The following ADCYAP1R1 variants were observed in gnomAD, a reference collection of about 807,000 sequenced individuals.
The protein encoded by ADCYAP1R1 is ADCYAP receptor type I, also known as pituitary adenylate cyclase-activating polypeptide type I receptor.
ADCYAP1R1 carries 44 observed loss-of-function variants against 67.6 expected under a neutral mutation model. That is an observed-to-expected ratio of 0.65 (90% CI 0.51 to 0.84). The LOEUF is 0.84. Among genes scored for constraint, ADCYAP1R1 ranks in the 40% least tolerant of loss-of-function variants. ADCYAP1R1 has a pLI of 0.00. For missense variants in ADCYAP1R1, 477 were observed against 587.9 expected (o/e 0.81, Z 1.95); for synonymous variants, 222 against 219.6 (o/e 1.01, Z -0.10).
chr7:31,080,750 C>A, intron 5 of ADCYAP1R1, 117 bp downstream of exon 5: 2 of 1,055,016 alleles, frequency 1.9e-6, no homozygotes, highest in Non-Finnish European at 1.4e-6. Flanking sequence ...GAGTAAGAGG[C>A]TCACTGGGTA....
Position 31,091,728 on chromosome 7 carries a change from A to G in ADCYAP1R1, c.955-916A>G, listed in dbSNP as rs1584527320. ...AGACACTGATCAAACTGGGCATTGT[A>G]GCAGAGAACACGATTGACAGAATCC... On this transcript the variant is annotated intron_variant, in intron 12 of 15. Coordinates refer to ENST00000304166, the MANE Select transcript of ADCYAP1R1 (RefSeq NM_001118.5). Among the ~76,000 whole-genome samples, 3 of 152,286 alleles carry G rather than the reference A, an allele frequency of 2.0e-5. No homozygotes were observed. In the East Asian group the frequency reaches 5.8e-4, roughly 29 times the overall value.
At chr7:31,081,656 A>G in intron 5 of ADCYAP1R1, 57 bp from the exon 6 acceptor site, 2 of 1,437,170 alleles carry the variant, frequency 1.4e-6, no homozygotes, top group Non-Finnish European at 1.9e-6. Context: ...TGGAGAGTAA[A>G]CAGTAGCTAA....
rs1331557068 is a variant in ADCYAP1R1 at position 31,109,254 on chromosome 7, C to G, written c.*2570C>G. 2 of 152,198 alleles carry G rather than the reference C, an allele frequency of 1.3e-5. No individual in the cohort carries two copies. The highest frequency in any genetic ancestry group is 2.9e-5 in the Non-Finnish European group (2 of 68,062). 9.4% of individuals were successfully genotyped at this position (152,198 alleles called of 1,614,324 possible). A position where few individuals can be genotyped will look rare whatever the true frequency, so the allele number is the denominator to read the frequency against. On this transcript the variant is annotated 3_prime_UTR_variant, in exon 16 of 16. Transcript: ENST00000304166. ...TGTGAGCAGATGTACCTGATGTATT[C>G]TCAATGTTCCAAGAGGTTCTGGCCT...
intron 13 of ADCYAP1R1, among the ~76,000 whole-genome samples, chr7:31,098,849 G>T (rs997258672): frequency 1.5e-4 from 23 of 152,094 alleles, no homozygotes; most frequent in African/African-American, 5.6e-4. Flanking sequence ...GATCCTGAAT[G>T]CCAAGGGTGT....
intron 13 of ADCYAP1R1, chr7:31,095,817 C>T: frequency 1.4e-6 from 1 of 701,808 alleles, no homozygotes. Context: ...GTATTCCTGG[C>T]CCAGCCTCAG....
intron 4 of ADCYAP1R1, 91 bp downstream of exon 4, chr7:31,078,189 C>G (rs1389556286): frequency 2.9e-5 from 29 of 986,434 alleles, no homozygotes; most frequent in Non-Finnish European, 4.1e-5. Flanking sequence ...GGAGGCCACC[C>G]TGTGGGCAGA....
chr7:31,079,977 A>G (rs1795446276), intron 4 of ADCYAP1R1, among the ~76,000 whole-genome samples: 1 of 152,242 alleles, frequency 6.6e-6, no homozygotes, highest in African/African-American at 2.4e-5. Context: ...AAGCCAACTT[A>G]ATCACTTCCT....
At chr7:31,095,644 C>T (rs945273450) in intron 13 of ADCYAP1R1, 16 of 717,488 alleles carry the variant, frequency 2.2e-5, no homozygotes, top group East Asian at 1.1e-4. Flanking sequence ...AACAGCTCTC[C>T]GGTTTTTTCC....
chr7:31,086,471 A>G lies in ADCYAP1R1; in HGVS notation c.757A>G (p.Thr253Ala). ...GTTCATCGAGGGCCTGTACCTCTTC[A>G]CTCTGCTGGTGGAGACCTTCTTCCC... ...WLFIEGLYLF[T>A]LLVETFFPER... The change falls in exon 10 of 16, where the codon ACT (threonine) becomes GCT (alanine). Residue 253 changes from threonine (T) to alanine (A), a missense_variant. By Grantham distance (58) the Thr-to-Ala change is moderately conservative. Transcript: ENST00000304166. The surrounding 1 kb of genome is among the most constrained non-coding windows in gnomAD (Gnocchi z 5.0). 2.5e-6 allele frequency: 4 copies of G among 1,613,958 alleles called. No homozygotes were observed. The South Asian group carries it at 3.3e-5, about 13-fold the overall frequency.
chr7:31,098,130 G>A (rs1796280555), intron 13 of ADCYAP1R1, among the ~76,000 whole-genome samples: 1 of 152,108 alleles, frequency 6.6e-6, no homozygotes, highest in South Asian at 2.1e-4. Flanking sequence ...TCAAACTCCT[G>A]AACTCAGCCA....
At chr7:31,101,509 T>C (rs1049516924) in intron 13 of ADCYAP1R1, among the ~76,000 whole-genome samples, 3 of 152,124 alleles carry the variant, frequency 2.0e-5, no homozygotes, top group Non-Finnish European at 2.9e-5. Flanking sequence ...GTAGCCCCTA[T>C]AGGTAGGGCC....
chr7:31,103,496 C>T, intron 14 of ADCYAP1R1, 130 bp downstream of exon 14: 1 of 1,312,642 alleles, frequency 7.6e-7, no homozygotes, highest in East Asian at 2.4e-5. Flanking sequence ...ATGAGGGAGC[C>T]CTGTCTGCTG....
intron 6 of ADCYAP1R1, 83 bp downstream of exon 6, chr7:31,081,837 A>G: frequency 2.6e-6 from 3 of 1,171,788 alleles, no homozygotes; most frequent in Non-Finnish European, 3.7e-6. Context: ...ACCCCATCCC[A>G]GGCTGGGCTC....
At chr7:31,077,605 T>C (rs1795318100) in intron 3 of ADCYAP1R1, among the ~76,000 whole-genome samples, 1 of 149,276 alleles carries the variant, frequency 6.7e-6, no homozygotes, top group South Asian at 2.1e-4. Flanking sequence ...GTGTGTGTTG[T>C]GTGAATGTGT....
chr7:31,093,230 T>C, intron 13 of ADCYAP1R1, among the ~76,000 whole-genome samples: 1 of 152,184 alleles, frequency 6.6e-6, no homozygotes, highest in East Asian at 1.9e-4. Context: ...GGGTACTTTC[T>C]TTCCTCCACA....
At chr7:31,072,624 A>G (rs904263694) in intron 3 of ADCYAP1R1, among the ~76,000 whole-genome samples, 1 of 152,112 alleles carries the variant, frequency 6.6e-6, no homozygotes. Context: ...CTATTGGACT[A>G]TATGATCTTC....
chr7:31,062,873 A>G (rs2128616378), intron 1 of ADCYAP1R1, among the ~76,000 whole-genome samples: 1 of 152,294 alleles, frequency 6.6e-6, no homozygotes, highest in Non-Finnish European at 1.5e-5. Flanking sequence ...GTCACTGTGG[A>G]GGAGGGGGAA....
intron 3 of ADCYAP1R1, among the ~76,000 whole-genome samples, chr7:31,076,627 CT>C (rs1562638303): frequency 6.6e-6 from 1 of 152,208 alleles, no homozygotes; most frequent in African/African-American, 2.4e-5. Context: ...GCCTCCACCT[CT>C]TCTGGTTCCG....
chr7:31,055,270 A>G (rs1794191336), intron 1 of ADCYAP1R1, among the ~76,000 whole-genome samples: 2 of 152,284 alleles, frequency 1.3e-5, no homozygotes, highest in Admixed American at 6.5e-5. Flanking sequence ...ATTTGCCCAA[A>G]GATCACAAAG....
Sources: allele counts gnomAD v4.1 joint callset (sites outside exome capture counted in the v4.1 genomes callset), GRCh38; gene constraint gnomAD v4.1.1; non-coding constraint Gnocchi (gnomAD v3.1); transcripts MANE v1.5; gene names NCBI Gene and HGNC (gene_info 2026-07-23, HGNC 2026-07-21).